DAND5: variants seen among roughly 807,000 people sequenced by gnomAD.
DAND5 encodes the protein DAN domain BMP antagonist family member 5.
Under a neutral mutation model 9.2 loss-of-function variants are expected in DAND5, and 8 were observed. That is an observed-to-expected ratio of 0.87 (90% CI 0.51 to 1.56). The LOEUF is 1.56. Ranked by LOEUF, DAND5 falls within the 40% of genes most tolerant of loss-of-function variation. The probability of loss-of-function intolerance (pLI) is 0.00; values close to 1 mark genes in which losing one functional copy is unlikely to be tolerated. For missense variants in DAND5, 244 were observed against 244.7 expected, an observed-to-expected ratio of 1.00 and a Z score of 0.02; for synonymous variants, 95 against 101.1, an observed-to-expected ratio of 0.94 and a Z score of 0.36.
At chr19:12,972,410 A>G (rs1432840471) in intron 1 of DAND5, among the ~76,000 whole-genome samples, 1 of 151,504 alleles carries the variant, frequency 6.6e-6, no homozygotes, top group Non-Finnish European at 1.5e-5. Context: ...GGGTCTTACT[A>G]TATTGCCCAG....
At chr19:12,970,099 G>C (rs1471565979) in intron 1 of DAND5, 115 bp downstream of exon 1, 1 of 1,270,656 alleles carries the variant, frequency 7.9e-7, no homozygotes, top group Non-Finnish European at 1.1e-6. Context: ...TGAATGTCTC[G>C]GTGCCTCAGT....
In DAND5 at chr19:12,969,786, TCTGGGCCCAGGGGCC is replaced by T. The variant is rs751370645; in HGVS notation, c.130_144del (p.Gly44_Leu48del). On this transcript the variant is annotated inframe_deletion, in exon 1 of 2. Transcript: ENST00000317060. ...GGGCTGCAGCCAATCAGACCTGGGC[TCTGGGCCCAGGGGCC>T]CTGCCCCCACTGGTGCCAGCTTCTG... 12 of 1,593,412 alleles carry T rather than the reference TCTGGGCCCAGGGGCC, an allele frequency of 7.5e-6. No individual in the cohort carries two copies. The highest frequency in any genetic ancestry group is 1.7e-6 in the Non-Finnish European group (2 of 1,170,986).
intron 1 of DAND5, among the ~76,000 whole-genome samples, chr19:12,972,058 A>T (rs111910376): frequency 0.013 from 1,461 of 114,168 alleles, 35 homozygotes; most frequent in African/African-American, 0.032. Context: ...CCCAGCTAAT[A>T]TTTTTTTTTT....
Position 12,973,863 on chromosome 19 carries a change from CTTTTTT to C in DAND5, c.*241_*246del. 5 of 348,518 alleles carry C rather than the reference CTTTTTT, an allele frequency of 1.4e-5. No individual in the cohort carries two copies. Among genetic ancestry groups the C allele is most frequent in the South Asian group, 3.6e-5 (1 of 27,400 alleles). 21.6% of individuals were successfully genotyped at this position (348,518 alleles called of 1,614,324 possible). ...ACAGCACACAATGATTGACAACTCACTTTTTTTTTTTTTTTTTGAGATGGAGTCTCG... is the reference window on the plus strand; with the variant it reads ...ACAGCACACAATGATTGACAACTCACTTTTTTTTTTTGAGATGGAGTCTCG... On this transcript the variant is annotated 3_prime_UTR_variant, in exon 2 of 2. Coordinates refer to ENST00000317060, the MANE Select transcript of DAND5 (RefSeq NM_152654.3).
At chr19:12,970,704 A>G (rs190493945) in intron 1 of DAND5, among the ~76,000 whole-genome samples, 1 of 127,438 alleles carries the variant, frequency 7.8e-6, no homozygotes, top group Non-Finnish European at 1.6e-5. Context: ...TTTTTTTGAG[A>G]CAGTCTCACT....
chr19:12,973,171 T>G (rs1046200090), intron 1 of DAND5, among the ~76,000 whole-genome samples: 1 of 152,214 alleles, frequency 6.6e-6, no homozygotes, highest in African/African-American at 2.4e-5. Context: ...CCTTGTTGAA[T>G]TTCAATGATT....
intron 1 of DAND5, chr19:12,970,559 T>C: frequency 2.0e-6 from 1 of 503,278 alleles, no homozygotes; most frequent in Non-Finnish European, 3.6e-6. Flanking sequence ...TCTTGCTTGA[T>C]ATACCAACTT....
intron 1 of DAND5, 111 bp from the exon 2 acceptor site, chr19:12,973,278 G>A: frequency 6.8e-7 from 1 of 1,467,728 alleles, no homozygotes; most frequent in Non-Finnish European, 9.1e-7. Flanking sequence ...CAGGCAGCCT[G>A]GCTGCAGCAT....
intron 1 of DAND5, 146 bp downstream of exon 1, chr19:12,970,130 A>C (rs1038035944): frequency 6.0e-5 from 58 of 962,008 alleles, no homozygotes; most frequent in Admixed American, 1.1e-4. Flanking sequence ...GTAAAATGCG[A>C]CCCAAGCCTC....
intron 1 of DAND5, among the ~76,000 whole-genome samples, chr19:12,971,871 G>A (rs1003076646): frequency 1.3e-5 from 2 of 150,798 alleles, no homozygotes; most frequent in Non-Finnish European, 3.0e-5. Flanking sequence ...GATTACAGGC[G>A]TGAGCCACCA....
intron 1 of DAND5, 37 bp from the exon 2 acceptor site, chr19:12,973,352 T>G (rs779419866): frequency 6.2e-7 from 1 of 1,601,886 alleles, no homozygotes; most frequent in Non-Finnish European, 8.5e-7. Flanking sequence ...GGCCCCAAAC[T>G]CCGCCACCCT....
intron 1 of DAND5, among the ~76,000 whole-genome samples, chr19:12,971,007 G>T (rs1599679585): frequency 1.3e-5 from 2 of 152,086 alleles, no homozygotes; most frequent in African/African-American, 2.4e-5. Context: ...GAGGAAGATG[G>T]CTCAGGATTT....
rs1400605911 is a variant in DAND5 at position 12,969,940 on chromosome 19, C to T, written c.280C>T (p.Gln94Ter). The T allele has an allele frequency of 1.2e-6, 2 of 1,614,144 alleles. No homozygotes were observed. Among genetic ancestry groups the T allele is most frequent in the East Asian group, 4.5e-5 (2 of 44,876 alleles). ...TGCTGTGACTCTGCCGCTGAACCCTCAGGAAGTGATCCAGGGGATGTGTAA... is the reference window on the plus strand; with the variant it reads ...TGCTGTGACTCTGCCGCTGAACCCTTAGGAAGTGATCCAGGGGATGTGTAA... ...VAAVTLPLNP[Q>*]EVIQGMCKAV... The change falls in exon 1 of 2, where the codon CAG becomes TAG. Residue 94 changes from glutamine (Q) to a stop codon, truncating the protein, a stop_gained. Coordinates refer to ENST00000317060, the MANE Select transcript of DAND5 (RefSeq NM_152654.3). LOFTEE classifies it low-confidence loss of function (END_TRUNC).
intron 1 of DAND5, among the ~76,000 whole-genome samples, chr19:12,972,426 T>C (rs1469982334): frequency 1.3e-5 from 2 of 151,998 alleles, no homozygotes; most frequent in Non-Finnish European, 2.9e-5. Context: ...CCCAGGCTGG[T>C]CTCAAGCCAC....
chr19:12,971,693 C>T (rs1380209634), intron 1 of DAND5, among the ~76,000 whole-genome samples: 6 of 151,624 alleles, frequency 4.0e-5, no homozygotes, highest in African/African-American at 1.5e-4. Flanking sequence ...CGGGTTCAAG[C>T]AATTCTCCTG....
At chr19:12,970,615 T>TG (rs2011141724) in intron 1 of DAND5, 1 of 485,130 alleles carries the variant, frequency 2.1e-6, no homozygotes, top group African/African-American at 2.0e-5. Flanking sequence ...TTTCTTTCTT[T>TG]TCTTTCTTTG....
At chr19:12,972,987 C>T (rs1409121029) in intron 1 of DAND5, among the ~76,000 whole-genome samples, 5 of 151,672 alleles carry the variant, frequency 3.3e-5, no homozygotes, top group Non-Finnish European at 5.9e-5. Context: ...CTCAGTCTCC[C>T]GAGTAGCTGG....
In DAND5 at chr19:12,971,478, C is replaced by T. The variant is rs182586625; in HGVS notation, c.324+1494C>T. ...ATTTTTAGTAGAGACGGGCTTTCAC[C>T]ATGTTGGTCAGGCTGGTCTCAAACT... On this transcript the variant is annotated intron_variant, in intron 1 of 1. Coordinates refer to ENST00000317060, the MANE Select transcript of DAND5 (RefSeq NM_152654.3). 5.9e-5 allele frequency among the ~76,000 whole-genome samples: 9 copies of T among 151,296 alleles called. No homozygotes were observed. In the East Asian group the frequency reaches 1.6e-3, roughly 26 times the overall value.
rs371031823 is a variant in DAND5 at position 12,973,525 on chromosome 19, G to A, written c.461G>A (p.Arg154His). 3.5e-5 allele frequency: 56 copies of A among 1,614,180 alleles called. 1 individual carries two copies. In the South Asian group the frequency reaches 3.8e-4, roughly 11 times the overall value. ...LCNSCMPARK[R>H]WAPVVLWCLT... ...AACAGCTGTATGCCTGCTCGCAAGC[G>A]TTGGGCACCCGTGGTCCTGTGGTGT... Residue 154 changes from arginine to histidine, a missense_variant, in exon 2 of 2, where the codon CGT becomes CAT. Arg to His is a conservative substitution (Grantham distance 29). Transcript: ENST00000317060.
Sources: gnomAD v4.1 joint callset for allele counts (sites outside exome capture counted in the v4.1 genomes callset) on GRCh38, gnomAD v4.1.1 for gene constraint, MANE v1.5 for transcripts, NCBI Gene and HGNC (gene_info 2026-07-23, HGNC 2026-07-21) for gene names.